LTV1: variants seen among roughly 807,000 people sequenced by gnomAD.
The protein encoded by LTV1 is protein LTV1 homolog.
LTV1 carries 39 observed loss-of-function variants against 59.9 expected under a neutral mutation model. The observed-to-expected ratio is 0.65, with a 90% CI of 0.50 to 0.85. The LOEUF is 0.85. Among genes scored for constraint, LTV1 ranks in the 40% least tolerant of loss-of-function variants. The pLI is 0.00. For missense variants in LTV1, 493 were observed against 549.1 expected, an observed-to-expected ratio of 0.90 and a Z score of 1.02; for synonymous variants, 171 against 189.5, an observed-to-expected ratio of 0.90 and a Z score of 0.80.
chr6:143,843,498 G>A lies in LTV1; in HGVS notation c.3+18G>A. On this transcript the variant is annotated intron_variant, in intron 1 of 10. Transcript: ENST00000367576. ...GCAGCATGGTGAGCAAGCCTTGCTT[G>A]TTTCGGCGGCCGAGCGCTGTGGTTT... The A allele has an allele frequency of 1.2e-6, 2 of 1,613,458 alleles. No homozygotes were observed. The highest frequency in any genetic ancestry group is 1.7e-6 in the Non-Finnish European group (2 of 1,179,884).
In LTV1 at chr6:143,851,553, G is replaced by A. The variant is rs1317326587; in HGVS notation, c.397+1335G>A. Among the ~76,000 whole-genome samples the A allele has an allele frequency of 3.3e-5, 5 of 152,118 alleles. No homozygotes were observed. The South Asian group carries it at 8.3e-4, about 25-fold the overall frequency. ...TATTTTCACCAGTGGATATTAAAAG[G>A]AGAAGCATCATTTCTTTTTTCATTT... On this transcript the variant is annotated intron_variant, in intron 4 of 10. Transcript: ENST00000367576.
chr6:143,854,720 G>C (rs1000852959), intron 4 of LTV1, among the ~76,000 whole-genome samples: 1 of 152,142 alleles, frequency 6.6e-6, no homozygotes, highest in African/African-American at 2.4e-5. Flanking sequence ...AGGCATTCAG[G>C]AGCAGGTTGT....
chr6:143,860,907 T>C (rs930366791), intron 7 of LTV1, among the ~76,000 whole-genome samples: 6 of 151,950 alleles, frequency 3.9e-5, no homozygotes, highest in Admixed American at 6.5e-5. Context: ...AATTTTTTTT[T>C]TTTTTTGAGA....
At chr6:143,844,362 A>G in intron 1 of LTV1, 124 bp from the exon 2 acceptor site, 2 of 1,002,868 alleles carry the variant, frequency 2.0e-6, no homozygotes, top group Non-Finnish European at 2.9e-6. Flanking sequence ...TGCCTGCCCT[A>G]GAAGTGTAGA....
intron 4 of LTV1, 79 bp downstream of exon 4, chr6:143,850,297 T>A (rs1350817065): frequency 1.9e-6 from 2 of 1,073,108 alleles, no homozygotes; most frequent in African/African-American, 1.6e-5. Flanking sequence ...GATTTTTCTA[T>A]CCCCAGTAAA....
In LTV1 at chr6:143,856,456, T is replaced by G. The variant is rs114524604; in HGVS notation, c.398-847T>G. The stretch of plus-strand genomic sequence containing the variant: ...TTCTGTCAATTCATCAAACGCATTC[T>G]CCGTCCAGTTTTGTTCCCTTGCCGG... On this transcript the variant is annotated intron_variant, in intron 4 of 10. Transcript: ENST00000367576. Among the ~76,000 whole-genome samples the G allele has an allele frequency of 8.8e-3, 1,337 of 152,326 alleles. 17 individuals carry two copies. The highest frequency in any genetic ancestry group is 0.031 in the African/African-American group (1,288 of 41,576).
intron 4 of LTV1, among the ~76,000 whole-genome samples, chr6:143,856,156 T>C (rs1162370096): frequency 6.6e-6 from 1 of 152,242 alleles, no homozygotes; most frequent in Non-Finnish European, 1.5e-5. Context: ...TTCTCTAATC[T>C]TGTCTTCACG....
Position 143,857,446 on chromosome 6 carries a change from T to C in LTV1, c.539+2T>C. The C allele has an allele frequency of 6.2e-7, 1 of 1,612,510 alleles. No homozygotes were observed. Among genetic ancestry groups the C allele is most frequent in the South Asian group, 1.1e-5 (1 of 90,956 alleles). On this transcript the variant is annotated splice_donor_variant, in intron 5 of 10. Transcript: ENST00000367576. LOFTEE classifies it high-confidence loss of function. The surrounding 1 kb of genome is among the most constrained non-coding windows in gnomAD (Gnocchi z 5.2). ...AGAGGAAGAGGGAATGGATATACAG[T>C]ATGTGTGGTTTGTTTCAAAGCAGAG...
chr6:143,857,702 CTGTT>C lies in LTV1; in HGVS notation c.540-49_540-46del, dbSNP rs1297036538. The C allele has an allele frequency of 8.7e-6, 14 of 1,601,286 alleles. No homozygotes were observed. The highest frequency in any genetic ancestry group is 1.0e-5 in the Non-Finnish European group (12 of 1,170,078). On this transcript the variant is annotated intron_variant, in intron 5 of 10. Transcript: ENST00000367576. This position sits in a 1 kb window ranked among gnomAD's most constrained non-coding sequence, Gnocchi z 5.2. The stretch of plus-strand genomic sequence containing the variant: ...TTTACTTGTGTAAAGTGGTTTTGTT[CTGTT>C]ACTTTTTAAGTTGTTTTGGTAGGTA...
At chr6:143,860,919 G>A (rs369209564) in intron 7 of LTV1, among the ~76,000 whole-genome samples, 11 of 149,824 alleles carry the variant, frequency 7.3e-5, no homozygotes, top group South Asian at 6.3e-4. Flanking sequence ...TTTTTGAGAC[G>A]GAGTCTTGCT....
At position 143,863,617 on chromosome 6, in the gene LTV1, C is replaced by A; in HGVS notation, c.*90C>A. 1.3e-6 allele frequency: 1 copy of A among 756,656 alleles called. No individual in the cohort carries two copies. The highest frequency in any genetic ancestry group is 2.3e-5 in the South Asian group (1 of 43,906). 46.9% of individuals were successfully genotyped at this position (756,656 alleles called of 1,614,324 possible). On this transcript the variant is annotated 3_prime_UTR_variant, in exon 11 of 11. Coordinates refer to ENST00000367576, the MANE Select transcript of LTV1 (RefSeq NM_032860.5). This position sits in a 1 kb window ranked among gnomAD's most constrained non-coding sequence, Gnocchi z 4.5. ...ACTTCAGAAAGACAAAACTGTTTGC[C>A]ATTTTTACTGGCAGATAAGAGGAAA...
chr6:143,855,732 G>A lies in LTV1; in HGVS notation c.398-1571G>A, dbSNP rs933372346. ...AATTTGGCTGGATATGAGATTCTAAGTTGAAAATTCTTTACTTTAAGGATG... is the reference window on the plus strand; with the variant it reads ...AATTTGGCTGGATATGAGATTCTAAATTGAAAATTCTTTACTTTAAGGATG... On this transcript the variant is annotated intron_variant, in intron 4 of 10. Transcript: ENST00000367576. This position sits in a 1 kb window ranked among gnomAD's most constrained non-coding sequence, Gnocchi z 4.6. Among the ~76,000 whole-genome samples the A allele has an allele frequency of 3.3e-5, 5 of 152,182 alleles. No homozygotes were observed. The highest frequency in any genetic ancestry group is 1.5e-5 in the Non-Finnish European group (1 of 68,038).
intron 1 of LTV1, 88 bp from the exon 2 acceptor site, chr6:143,844,398 C>A: frequency 7.3e-7 from 1 of 1,366,328 alleles, no homozygotes; most frequent in Non-Finnish European, 1.0e-6. Flanking sequence ...TTTAACATGA[C>A]TACTAAAGAT....
In LTV1 at chr6:143,862,909, G is replaced by A; in HGVS notation, c.1116+13G>A. The A allele has an allele frequency of 6.3e-7, 1 of 1,586,408 alleles. No individual in the cohort carries two copies. The highest frequency in any genetic ancestry group is 1.7e-4 in the Middle Eastern group (1 of 6,016). ...GTATCAACCAAAGGTAAGTCCTAGTGTGCTGAGCTATTTGAAGGATGCAGT... is the reference window on the plus strand; with the variant it reads ...GTATCAACCAAAGGTAAGTCCTAGTATGCTGAGCTATTTGAAGGATGCAGT... On this transcript the variant is annotated intron_variant, in intron 9 of 10. Coordinates refer to ENST00000367576, the MANE Select transcript of LTV1 (RefSeq NM_032860.5). The surrounding 1 kb of genome is among the most constrained non-coding windows in gnomAD (Gnocchi z 4.2).
At chr6:143,845,953 A>T in intron 2 of LTV1, 98 bp from the exon 3 acceptor site, 1 of 1,140,274 alleles carries the variant, frequency 8.8e-7, no homozygotes, top group Non-Finnish European at 1.3e-6. Flanking sequence ...GGAAAGCTGT[A>T]CTCATTGTAA....
At chr6:143,853,697 A>G (rs1020759297) in intron 4 of LTV1, among the ~76,000 whole-genome samples, 1 of 152,190 alleles carries the variant, frequency 6.6e-6, no homozygotes, top group African/African-American at 2.4e-5. Context: ...GAATTTTATC[A>G]AAGGCCTTTT....
In LTV1 at chr6:143,844,558, C is replaced by T. The variant is rs139158208; in HGVS notation, c.76C>T (p.Arg26Ter). The T allele has an allele frequency of 5.1e-4, 820 of 1,613,910 alleles. No homozygotes were observed. Among genetic ancestry groups the T allele is most frequent in the Non-Finnish European group, 6.5e-4 (768 of 1,179,998 alleles). The change falls in exon 2 of 11, where the codon CGA (arginine) becomes TGA (stop). Residue 26 changes from arginine (R) to a stop codon, truncating the protein, a stop_gained. Transcript: ENST00000367576. LOFTEE classifies it high-confidence loss of function. ...TTTTCACTTGGTCCACCGGAGCCAA[C>T]GAGATCCTTTAGCAGCAGATGAGAG... ...VSFHLVHRSQ[R>*]DPLAADESAP...
At position 143,851,379 on chromosome 6, in the gene LTV1, G is replaced by T. The variant is rs80086049; in HGVS notation, c.397+1161G>T. ...AAACAGGTAGGTATTTATTAAAATC[G>T]CAAAGTCAGAAAATACTGAAAGTAT... On this transcript the variant is annotated intron_variant, in intron 4 of 10. Coordinates refer to ENST00000367576, the MANE Select transcript of LTV1 (RefSeq NM_032860.5). Among the ~76,000 whole-genome samples, 1,344 of 151,938 alleles carry T rather than the reference G, an allele frequency of 8.8e-3. 20 individuals carry two copies. Among genetic ancestry groups the T allele is most frequent in the African/African-American group, 0.031 (1,294 of 41,424 alleles).
In LTV1 at chr6:143,857,688, A is replaced by C; in HGVS notation, c.540-64A>C. On this transcript the variant is annotated intron_variant, in intron 5 of 10. Transcript: ENST00000367576. The surrounding 1 kb of genome is among the most constrained non-coding windows in gnomAD (Gnocchi z 5.2). ...AAATACCTTCCAATTTTACTTGTGT[A>C]AAGTGGTTTTGTTCTGTTACTTTTT... The C allele has an allele frequency of 6.4e-7, 1 of 1,561,170 alleles. No homozygotes were observed. The highest frequency in any genetic ancestry group is 8.8e-7 in the Non-Finnish European group (1 of 1,136,150).
Sources: gnomAD v4.1 joint callset for allele counts (sites outside exome capture counted in the v4.1 genomes callset) on GRCh38, gnomAD v4.1.1 for gene constraint, Gnocchi (gnomAD v3.1) non-coding constraint, MANE v1.5 for transcripts, NCBI Gene and HGNC (gene_info 2026-07-23, HGNC 2026-07-21) for gene names.